Variants in CDH13 observed in about 807,000 individuals in gnomAD.
CDH13 encodes cadherin-13.
A neutral mutation model predicts 63.8 loss-of-function variants in CDH13; 24 were observed. That is an observed-to-expected ratio of 0.38 (90% CI 0.27 to 0.53). The LOEUF is 0.53. Among genes scored for constraint, CDH13 ranks in the 20% least tolerant of loss-of-function variants. CDH13 has a pLI of 0.85. For synonymous variants in CDH13, 503 were observed against 355.3 expected (o/e 1.42, Z -4.67); for missense variants, 1,049 against 903.1 (o/e 1.16, Z -2.07).
chr16:83,228,444 G>C (rs545709005), intron 5 of CDH13, among the ~76,000 whole-genome samples: 3 of 152,328 alleles, frequency 2.0e-5, no homozygotes, highest in African/African-American at 7.2e-5. Context: ...CAGAGATGAA[G>C]GAAGGGACAC....
chr16:83,402,841 T>C (rs1320281236), intron 6 of CDH13, among the ~76,000 whole-genome samples: 1 of 152,038 alleles, frequency 6.6e-6, no homozygotes, highest in African/African-American at 2.4e-5. Context: ...ATATTTTCTT[T>C]TCTGTCCCAT....
At chr16:83,255,574 A>T (rs933218111) in intron 5 of CDH13, among the ~76,000 whole-genome samples, 5 of 152,204 alleles carry the variant, frequency 3.3e-5, no homozygotes, top group Non-Finnish European at 7.3e-5. Flanking sequence ...GGCTCTTTCT[A>T]CAAGGGCTGT....
intron 3 of CDH13, among the ~76,000 whole-genome samples, chr16:83,123,835 C>G (rs1308208688): frequency 2.0e-5 from 3 of 152,102 alleles, no homozygotes; most frequent in South Asian, 4.1e-4. Context: ...AGTATATAAG[C>G]ATTCTTTTTT....
chr16:83,061,938 T>C (rs1290303978), intron 3 of CDH13, among the ~76,000 whole-genome samples: 1 of 152,210 alleles, frequency 6.6e-6, no homozygotes, highest in Non-Finnish European at 1.5e-5. Flanking sequence ...CTAGAGAGGC[T>C]GTGAGAACTG....
intron 2 of CDH13, among the ~76,000 whole-genome samples, chr16:82,959,183 C>A (rs1176232329): frequency 6.6e-6 from 1 of 152,210 alleles, no homozygotes; most frequent in Non-Finnish European, 1.5e-5. Flanking sequence ...CTCTACTTTA[C>A]AATTCATGTT....
intron 9 of CDH13, among the ~76,000 whole-genome samples, chr16:83,674,023 A>G (rs1182647853): frequency 6.6e-6 from 1 of 152,162 alleles, no homozygotes; most frequent in Non-Finnish European, 1.5e-5. Flanking sequence ...CTTGAGTTCT[A>G]TCTGTCTCTC....
intron 11 of CDH13, among the ~76,000 whole-genome samples, chr16:83,759,364 C>A (rs1312523105): frequency 6.6e-6 from 1 of 152,022 alleles, no homozygotes; most frequent in East Asian, 1.9e-4. Context: ...TGCATCCTGA[C>A]CCCCTCTTAA....
intron 12 of CDH13, among the ~76,000 whole-genome samples, chr16:83,782,735 CG>C (rs1276293299): frequency 1.7e-5 from 2 of 116,734 alleles, no homozygotes; most frequent in African/African-American, 6.4e-5. Context: ...GACCCTGTCT[CG>C]AAAAAAAAAA....
intron 11 of CDH13, among the ~76,000 whole-genome samples, chr16:83,778,075 AC>A (rs1436311079): frequency 5.3e-5 from 8 of 152,214 alleles, no homozygotes; most frequent in Non-Finnish European, 7.3e-5. Context: ...AAAATGTGTG[AC>A]CTATGAATTT....
In CDH13 at chr16:82,860,392, G is replaced by GC. The variant is rs1411310758; in HGVS notation, c.157+1919_157+1920insC. 2.3e-5 allele frequency among the ~76,000 whole-genome samples: 3 copies of GC among 132,222 alleles called. 1 individual carries two copies. Among genetic ancestry groups the GC allele is most frequent in the Admixed American group, 7.5e-5 (1 of 13,290 alleles). 86.7% of individuals were successfully genotyped at this position (132,222 alleles called of 152,430 possible). On this transcript the variant is annotated intron_variant, in intron 2 of 13. Transcript: ENST00000567109. Reference sequence around the variant, plus strand: ...TCACAGTTGTGTGTGTGTGTGTGGGGGGGGGGGCGGCGGTGTGCGTGTGTG... The same window carrying GC: ...TCACAGTTGTGTGTGTGTGTGTGGGGCGGGGGGGCGGCGGTGTGCGTGTGTG...
intron 6 of CDH13, among the ~76,000 whole-genome samples, chr16:83,416,171 C>G (rs894112550): frequency 6.6e-6 from 1 of 152,058 alleles, no homozygotes; most frequent in African/African-American, 2.4e-5. Context: ...GAATAAAATA[C>G]ACAGTCATAA....
At chr16:82,950,317 C>A (rs1285463515) in intron 2 of CDH13, among the ~76,000 whole-genome samples, 1 of 152,094 alleles carries the variant, frequency 6.6e-6, no homozygotes, top group Non-Finnish European at 1.5e-5. Flanking sequence ...GCCTCTGAGT[C>A]CAAATCTCCC....
chr16:82,908,425 G>T (rs2041719080), intron 2 of CDH13, among the ~76,000 whole-genome samples: 1 of 152,150 alleles, frequency 6.6e-6, no homozygotes, highest in African/African-American at 2.4e-5. Context: ...AGCGGTCTCA[G>T]TTACCTTTGT....
chr16:82,765,295 A>G (rs1597505515), intron 1 of CDH13, among the ~76,000 whole-genome samples: 1 of 152,236 alleles, frequency 6.6e-6, no homozygotes, highest in Non-Finnish European at 1.5e-5. Context: ...AAGCCCTTCT[A>G]CAGCATTAAG....
intron 2 of CDH13, among the ~76,000 whole-genome samples, chr16:83,007,916 C>T (rs967315819): frequency 2.6e-5 from 4 of 151,968 alleles, no homozygotes; most frequent in African/African-American, 9.7e-5. Flanking sequence ...TATACTTGGC[C>T]AAACAACATT....
At chr16:83,080,992 C>T (rs376698534) in intron 3 of CDH13, among the ~76,000 whole-genome samples, 1 of 146,730 alleles carries the variant, frequency 6.8e-6, no homozygotes, top group Non-Finnish European at 1.5e-5. Flanking sequence ...AACGATTCCC[C>T]TGCCTCAGCC....
intron 2 of CDH13, among the ~76,000 whole-genome samples, chr16:83,014,752 A>ATATATATATATATATATATG (rs1914534624): frequency 7.3e-5 from 3 of 41,096 alleles, no homozygotes; most frequent in East Asian, 7.0e-4. Context: ...AAATATATAT[A>ATATATATATATATATATATG]TATATATATA....
At chr16:83,406,420 C>G (rs2092046378) in intron 6 of CDH13, among the ~76,000 whole-genome samples, 1 of 149,140 alleles carries the variant, frequency 6.7e-6, no homozygotes, top group Admixed American at 6.7e-5. Context: ...CTTTCTTTCC[C>G]CCCCCGCCTC....
At chr16:83,753,220 A>T (rs1174554310) in intron 11 of CDH13, among the ~76,000 whole-genome samples, 1 of 152,222 alleles carries the variant, frequency 6.6e-6, no homozygotes. Context: ...TATTATGTTT[A>T]ACCCGGAAAA....
Sources: gnomAD v4.1 joint callset for allele counts (sites outside exome capture counted in the v4.1 genomes callset) on GRCh38, gnomAD v4.1.1 for gene constraint, MANE v1.5 for transcripts, NCBI Gene and HGNC (gene_info 2026-07-23, HGNC 2026-07-21) for gene names.